DPYSL4: variants seen among roughly 807,000 people sequenced by gnomAD.
DPYSL4 encodes the protein dihydropyrimidinase like 4.
A neutral mutation model predicts 63.4 loss-of-function variants in DPYSL4; 43 were observed. That is an observed-to-expected ratio of 0.68 (90% confidence interval 0.53 to 0.88). The LOEUF (loss-of-function observed/expected upper bound fraction) is 0.88. Ranked by LOEUF, DPYSL4 falls within the 40% of genes least tolerant of loss-of-function variation. The pLI, the probability that DPYSL4 is intolerant of heterozygous loss-of-function variation, is 0.00. For synonymous variants in DPYSL4, 353 were observed against 331.7 expected, an observed-to-expected ratio of 1.06 and a Z score of -0.70; for missense variants, 733 against 819.5, an observed-to-expected ratio of 0.89 and a Z score of 1.29.
chr10:132,187,012 C>CCCCCCCCCT lies in DPYSL4; in HGVS notation c.-52_-51insCCCCCCCCT. ...TCACGCGTCCCCCCGCCCGCCCGCC[C>CCCCCCCCCT]GCCCGCCCGCCCCCGCTTGTGCCGC... On this transcript the variant is annotated 5_prime_UTR_variant, in exon 1 of 14. Transcript: ENST00000338492. 2 of 222,370 alleles carry CCCCCCCCCT rather than the reference C, an allele frequency of 9.0e-6. 1 individual carries two copies. Among genetic ancestry groups the CCCCCCCCCT allele is most frequent in the South Asian group, 1.4e-4 (2 of 13,794 alleles). The allele number at this position is 222,370 out of a possible 1,614,324, so 13.8% of individuals were successfully genotyped here. A position where few individuals can be genotyped will look rare whatever the true frequency, so the allele number is the denominator to read the frequency against.
At chr10:132,201,857 G>T (rs573080371) in intron 10 of DPYSL4, 89 bp from the exon 11 acceptor site, 2 of 1,396,692 alleles carry the variant, frequency 1.4e-6, no homozygotes, top group African/African-American at 1.4e-5. Flanking sequence ...ATCCATCCTT[G>T]TGGGGTCCTG....
In DPYSL4 at chr10:132,192,682, C is replaced by A; in HGVS notation, c.153C>A (p.Val51=). 2 of 1,611,980 alleles carry A rather than the reference C, an allele frequency of 1.2e-6. No individual in the cohort carries two copies. Among genetic ancestry groups the A allele is most frequent in the Non-Finnish European group, 1.7e-6 (2 of 1,179,262 alleles). The part of the protein sequence containing the change: ...LIKQIGENLI[V]PGGIKTIDAH... ...GACAAATCGGAGAAAACCTCATCGT[C>A]CCTGGGGGCATCAAGACCATTGACG... Residue 51 remains valine (V), a synonymous_variant, in exon 3 of 14, where the codon GTC becomes GTA. Coordinates refer to ENST00000338492, the MANE Select transcript of DPYSL4 (RefSeq NM_006426.3).
At chr10:132,192,284 A>G (rs1039031105) in intron 2 of DPYSL4, 36 of 987,746 alleles carry the variant, frequency 3.6e-5, no homozygotes, top group Non-Finnish European at 4.2e-5. Context: ...TCATCGCAGC[A>G]CTTAGTATGG....
Position 132,204,822 on chromosome 10 carries a change from C to CTG in DPYSL4, c.1628-14_1628-13dup. 1.3e-6 allele frequency: 2 copies of CTG among 1,599,814 alleles called. No homozygotes were observed. Among genetic ancestry groups the CTG allele is most frequent in the Non-Finnish European group, 1.7e-6 (2 of 1,172,230 alleles). On this transcript the variant is annotated splice_polypyrimidine_tract_variant and intron_variant, in intron 13 of 13. Coordinates refer to ENST00000338492, the MANE Select transcript of DPYSL4 (RefSeq NM_006426.3). ...CCCTGCCTCATTCTCCCCTGCCCAT[C>CTG]TGTGCCCTTTCTTCAGGGTCTCAGG... is the stretch of plus-strand genomic sequence containing the variant.
chr10:132,188,916 G>A (rs1554965813), intron 1 of DPYSL4, among the ~76,000 whole-genome samples: 2 of 152,238 alleles, frequency 1.3e-5, no homozygotes, highest in Non-Finnish European at 2.9e-5. Flanking sequence ...GGCATAGTCT[G>A]CCAACCGTTT....
chr10:132,194,970 A>G lies in DPYSL4; in HGVS notation c.439A>G (p.Ser147Gly). 6.2e-7 allele frequency: 1 copy of G among 1,609,412 alleles called. No individual in the cohort carries two copies. Among genetic ancestry groups the G allele is most frequent in the Non-Finnish European group, 8.5e-7 (1 of 1,179,834 alleles). ...LHVDITRWHE[S>G]IKEELEALVK... ...CGTGGACATCACCCGATGGCATGAG[A>G]GCATCAAGGAGGAGCTGGAGGCCCT... Residue 147 changes from serine (S) to glycine (G), a missense_variant, in exon 4 of 14, where the codon AGC becomes GGC. By Grantham distance (56) the Ser-to-Gly change is moderately conservative. Transcript: ENST00000338492.
At chr10:132,192,869 A>AG in intron 3 of DPYSL4, 27 bp downstream of exon 3, 1 of 1,572,464 alleles carries the variant, frequency 6.4e-7, no homozygotes, top group African/African-American at 1.4e-5. Context: ...CCTCCTCTAC[A>AG]GGGGGCAGCC....
rs1000708918 is a variant in DPYSL4, at chr10:132,196,760, G to C, written c.479-101G>C. 4.4e-6 allele frequency: 6 copies of C among 1,363,698 alleles called. No individual in the cohort carries two copies. The Admixed American group carries it at 1.0e-4, about 23-fold the overall frequency. The allele number at this position is 1,363,698 out of a possible 1,614,324, so 84.5% of individuals were successfully genotyped here. A position where few individuals can be genotyped will look rare whatever the true frequency, so the allele number is the denominator to read the frequency against. On this transcript the variant is annotated intron_variant, in intron 4 of 13. Coordinates refer to ENST00000338492, the MANE Select transcript of DPYSL4 (RefSeq NM_006426.3). ...CAGTGAGGGAAGCACTGCGGGGGAG[G>C]GGCCCAAGACCCCCAACCCTCCAGT...
At chr10:132,204,655 C>T (rs945410083) in intron 13 of DPYSL4, among the ~76,000 whole-genome samples, 184 bp from the exon 14 acceptor site, 9 of 152,172 alleles carry the variant, frequency 5.9e-5, no homozygotes, top group South Asian at 2.1e-4. Context: ...ACCTGCACCC[C>T]GGGCCTCAGG....
At chr10:132,197,671 C>T (rs2137514121) in intron 6 of DPYSL4, among the ~76,000 whole-genome samples, 1 of 152,362 alleles carries the variant, frequency 6.6e-6, no homozygotes, top group South Asian at 2.1e-4. Context: ...TGGGGGTCAC[C>T]ACACAGGACA....
Position 132,196,881 on chromosome 10 carries a change from T to TG in DPYSL4, c.499_500insG (p.Phe167CysfsTer34). The stretch of plus-strand genomic sequence containing the variant: ...TCCAGGTGTGAACTCCTTCCTGGTC[T>TG]TCATGGCATACAAGGACCGGTGCCA... On this transcript the variant is annotated frameshift_variant, in exon 5 of 14. Coordinates refer to ENST00000338492, the MANE Select transcript of DPYSL4 (RefSeq NM_006426.3). LOFTEE classifies it high-confidence loss of function. 1 of 1,613,792 alleles carries TG rather than the reference T, an allele frequency of 6.2e-7. No individual in the cohort carries two copies. Among genetic ancestry groups the TG allele is most frequent in the South Asian group, 1.1e-5 (1 of 91,088 alleles).
rs11146235 is a variant in DPYSL4, at chr10:132,190,924, A to G, written c.128+89A>G. On this transcript the variant is annotated intron_variant, in intron 2 of 13. Transcript: ENST00000338492. Reference sequence around the variant, plus strand: ...TCCAGGCAGTTGAAAGTATGTTCCCAGCTCGTGTGTACACGCTGGTCACGT... The same window carrying G: ...TCCAGGCAGTTGAAAGTATGTTCCCGGCTCGTGTGTACACGCTGGTCACGT... The G allele has an allele frequency of 9.6e-4, 1,309 of 1,360,040 alleles. 14 individuals carry two copies. The African/African-American group carries it at 0.017, about 18-fold the overall frequency. The allele number at this position is 1,360,040 out of a possible 1,614,324, so 84.2% of individuals were successfully genotyped here.
At chr10:132,200,247 C>A in intron 8 of DPYSL4, 109 bp from the exon 9 acceptor site, 1 of 1,401,030 alleles carries the variant, frequency 7.1e-7, no homozygotes. Flanking sequence ...ACAAGCTGTC[C>A]CAGGCAAGGA....
intron 6 of DPYSL4, among the ~76,000 whole-genome samples, chr10:132,197,950 C>T (rs977539095): frequency 7.9e-5 from 12 of 152,224 alleles, no homozygotes; most frequent in African/African-American, 2.7e-4. Context: ...AGTATTGGGG[C>T]TGCTGCTTCT....
chr10:132,187,246 C>T (rs2137491947), intron 1 of DPYSL4, 144 bp downstream of exon 1: 3 of 544,728 alleles, frequency 5.5e-6, no homozygotes, highest in Non-Finnish European at 9.4e-6. Flanking sequence ...CCGCCCTTCC[C>T]TGCTCGGCTC....
At chr10:132,202,501 C>A in intron 11 of DPYSL4, 145 bp from the exon 12 acceptor site, 1 of 1,073,374 alleles carries the variant, frequency 9.3e-7, no homozygotes, top group Non-Finnish European at 1.3e-6. Context: ...TCCAACCCCT[C>A]AGTTCCAGCA....
At chr10:132,203,285 C>G (rs927351642) in intron 12 of DPYSL4, among the ~76,000 whole-genome samples, 4 of 152,154 alleles carry the variant, frequency 2.6e-5, no homozygotes, top group Admixed American at 1.3e-4. Flanking sequence ...CGGGAGCCCC[C>G]CCCCCATGGC....
chr10:132,200,290 C>T lies in DPYSL4; in HGVS notation c.812-66C>T, dbSNP rs2061995361. ...GGGCAGTCGTGGGTGTCAGCAGCAG[C>T]AGTTCTCGGGGCCCCAGGGGGTGCA... On this transcript the variant is annotated intron_variant, in intron 8 of 13. Transcript: ENST00000338492. The T allele has an allele frequency of 1.9e-6, 3 of 1,581,540 alleles. No individual in the cohort carries two copies. In the African/African-American group the frequency reaches 4.0e-5, roughly 21 times the overall value.
In DPYSL4 at chr10:132,190,818, G is replaced by A. The variant is rs138267211; in HGVS notation, c.111G>A (p.Val37=). 9.4e-5 allele frequency: 152 copies of A among 1,613,414 alleles called. No homozygotes were observed. The East Asian group carries it at 2.6e-3, about 27-fold the overall frequency. ...AGTCCTTTTACGCTGATGTGCACGT[G>A]GAAGATGGCTTGATAAAGTAAGTTT... is the stretch of plus-strand genomic sequence containing the variant. The part of the protein sequence containing the change: ...DDQSFYADVH[V]EDGLIKQIGE... The change falls in exon 2 of 14, where the codon GTG becomes GTA. Residue 37 remains valine, a synonymous_variant. Coordinates refer to ENST00000338492, the MANE Select transcript of DPYSL4 (RefSeq NM_006426.3).
Sources: allele counts gnomAD v4.1 joint callset (sites outside exome capture counted in the v4.1 genomes callset), GRCh38; gene constraint gnomAD v4.1.1; transcripts MANE v1.5; gene names NCBI Gene and HGNC (gene_info 2026-07-23, HGNC 2026-07-21).